The following SEMA6D variants were observed in gnomAD, a reference collection of about 807,000 sequenced individuals.
SEMA6D encodes semaphorin 6D, also known as semaphorin-6D.
SEMA6D carries 35 observed loss-of-function variants against 106.6 expected under a neutral mutation model. The observed-to-expected ratio is 0.33, with a 90% CI of 0.25 to 0.44. SEMA6D has a LOEUF of 0.44. Among genes scored for constraint, SEMA6D ranks in the 20% least tolerant of loss-of-function variants. SEMA6D has a pLI of 1.00. For synonymous variants in SEMA6D, 499 were observed against 487.7 expected (o/e 1.02, Z -0.31); for missense variants, 1,185 against 1,345.9 (o/e 0.88, Z 1.87).
chr15:47,642,898 A>T (rs2077514746), intron 4 of SEMA6D, among the ~76,000 whole-genome samples: 1 of 152,066 alleles, frequency 6.6e-6, no homozygotes, highest in African/African-American at 2.4e-5. Flanking sequence ...TAAAGATGAA[A>T]ATGGAGAAGG....
At chr15:47,433,275 A>C (rs16959486) in intron 2 of SEMA6D, among the ~76,000 whole-genome samples, 3,552 of 152,164 alleles carry the variant, frequency 0.023, 125 homozygotes, top group African/African-American at 0.077. Flanking sequence ...TGTTACTGGA[A>C]TACTAATAAA....
intron 1 of SEMA6D, among the ~76,000 whole-genome samples, chr15:47,744,559 A>G (rs2081011533): frequency 6.6e-6 from 1 of 152,056 alleles, no homozygotes. Context: ...CCAAGGACAC[A>G]TGGTTGTGGG....
chr15:47,368,541 G>A (rs1033466425), intron 1 of SEMA6D, among the ~76,000 whole-genome samples: 18 of 151,906 alleles, frequency 1.2e-4, no homozygotes, highest in African/African-American at 4.4e-4. Context: ...CGGGATCTCG[G>A]CTCACTGCAA....
At chr15:47,201,844 C>T (rs1052852022) in intron 1 of SEMA6D, among the ~76,000 whole-genome samples, 3 of 152,032 alleles carry the variant, frequency 2.0e-5, no homozygotes, top group African/African-American at 4.8e-5. Flanking sequence ...AATTTCTATA[C>T]CCTACTCCTC....
chr15:47,499,634 T>C (rs2043781682), intron 3 of SEMA6D, among the ~76,000 whole-genome samples: 1 of 152,164 alleles, frequency 6.6e-6, no homozygotes, highest in Non-Finnish European at 1.5e-5. Flanking sequence ...TCACATGTTA[T>C]TTCTCAGAGT....
chr15:47,344,834 TGAA>T (rs1027838049), intron 1 of SEMA6D, among the ~76,000 whole-genome samples: 1 of 152,200 alleles, frequency 6.6e-6, no homozygotes, highest in African/African-American at 2.4e-5. Flanking sequence ...GCTCCTTGAA[TGAA>T]GAAGTGAGTT....
chr15:47,631,244 T>C (rs1318204721), intron 4 of SEMA6D, among the ~76,000 whole-genome samples: 1 of 151,866 alleles, frequency 6.6e-6, no homozygotes, highest in African/African-American at 2.4e-5. Context: ...TTAGGGAGCT[T>C]TTAAATTTTT....
chr15:47,430,238 A>G (rs111589399), intron 2 of SEMA6D, among the ~76,000 whole-genome samples: 4,017 of 152,172 alleles, frequency 0.026, 98 homozygotes, highest in Admixed American at 0.043. Flanking sequence ...TCCCTGCTGT[A>G]GAGAAAAAAA....
At chr15:47,720,626 G>GT (rs1241225024) in intron 1 of SEMA6D, among the ~76,000 whole-genome samples, 7 of 152,096 alleles carry the variant, frequency 4.6e-5, no homozygotes, top group African/African-American at 1.4e-4. Context: ...TCAATGTCGT[G>GT]GTTTCTGTCG....
At chr15:47,313,629 A>C (rs534570550) in intron 1 of SEMA6D, among the ~76,000 whole-genome samples, 1 of 152,270 alleles carries the variant, frequency 6.6e-6, no homozygotes, top group South Asian at 2.1e-4. Flanking sequence ...CAGTGACACC[A>C]TCATAGCTCA....
intron 1 of SEMA6D, among the ~76,000 whole-genome samples, chr15:47,187,814 G>A (rs1020787374): frequency 6.6e-6 from 1 of 152,026 alleles, no homozygotes; most frequent in Admixed American, 6.6e-5. Context: ...GGGAATTAGT[G>A]GGGGGAGGGG....
intron 1 of SEMA6D, among the ~76,000 whole-genome samples, chr15:47,337,484 A>G (rs1198906113): frequency 5.3e-5 from 8 of 152,250 alleles, no homozygotes; most frequent in East Asian, 3.9e-4. Flanking sequence ...TGCTTACCCA[A>G]TGGAAGATGA....
intron 4 of SEMA6D, among the ~76,000 whole-genome samples, chr15:47,706,780 T>C (rs1230228798): frequency 6.6e-6 from 1 of 152,008 alleles, no homozygotes; most frequent in Non-Finnish European, 1.5e-5. Flanking sequence ...TGTTTTAAAA[T>C]GGCCCACATA....
intron 1 of SEMA6D, among the ~76,000 whole-genome samples, chr15:47,259,015 CT>C (rs1474566892): frequency 6.6e-6 from 1 of 151,910 alleles, no homozygotes; most frequent in Non-Finnish European, 1.5e-5. Context: ...GGGTAGCCCC[CT>C]GGGTATTACA....
intron 3 of SEMA6D, among the ~76,000 whole-genome samples, chr15:47,531,271 A>T (rs1048855221): frequency 6.6e-6 from 1 of 152,218 alleles, no homozygotes; most frequent in African/African-American, 2.4e-5. Flanking sequence ...TGTGCAGAAT[A>T]TCAGCTTGGC....
intron 3 of SEMA6D, among the ~76,000 whole-genome samples, chr15:47,586,382 A>G (rs900089763): frequency 6.6e-6 from 1 of 152,160 alleles, no homozygotes; most frequent in African/African-American, 2.4e-5. Context: ...CTCAGAAATC[A>G]TGGTCTTGCT....
chr15:47,469,299 GGTGTGT>G (rs71299525), intron 2 of SEMA6D, among the ~76,000 whole-genome samples: 2 of 149,448 alleles, frequency 1.3e-5, no homozygotes, highest in East Asian at 2.0e-4. Flanking sequence ...GTTGCTTTAA[GGTGTGT>G]GTGTGTGTGT....
At chr15:47,719,734 C>T (rs942335606) in intron 1 of SEMA6D, among the ~76,000 whole-genome samples, 11 of 152,196 alleles carry the variant, frequency 7.2e-5, no homozygotes, top group African/African-American at 2.4e-4. Context: ...AAGGATTTTA[C>T]TCTCCTTTGG....
At chr15:47,668,208 G>A (rs2078066318) in intron 4 of SEMA6D, among the ~76,000 whole-genome samples, 1 of 152,078 alleles carries the variant, frequency 6.6e-6, no homozygotes, top group African/African-American at 2.4e-5. Context: ...CTGGTGGCCT[G>A]GAATTAACTC....
Sources: gnomAD v4.1 joint callset for allele counts (sites outside exome capture counted in the v4.1 genomes callset) on GRCh38, gnomAD v4.1.1 for gene constraint, MANE v1.5 for transcripts, NCBI Gene and HGNC (gene_info 2026-07-23, HGNC 2026-07-21) for gene names.